Variants in MYO16 observed in about 807,000 individuals in gnomAD.
MYO16 encodes myosin XVI.
MYO16 carries 94 observed loss-of-function variants against 205.3 expected under a neutral mutation model. The ratio of observed to expected loss-of-function variants is 0.46; its 90% confidence interval spans 0.39 to 0.54. The LOEUF (loss-of-function observed/expected upper bound fraction) is 0.54, where lower values mean the gene tolerates loss of function less well. Among genes scored for constraint, MYO16 ranks in the 20% least tolerant of loss-of-function variants. The probability of loss-of-function intolerance (pLI) is 0.00; values close to 1 mark genes in which losing one functional copy is unlikely to be tolerated. For synonymous variants in MYO16, 988 were observed against 954.0 expected (o/e 1.04, Z -0.66); for missense variants, 2,315 against 2,387.5 (o/e 0.97, Z 0.63).
At chr13:108,508,098 C>T in the MYO16 span, among the ~76,000 whole-genome samples, 1 of 151,838 alleles carries the variant, frequency 6.6e-6, no homozygotes, top group South Asian at 2.1e-4. Flanking sequence ...CATTAAGCTG[C>T]TATAAGATAG....
chr13:109,005,115 C>G (rs1483622379), intron 21 of MYO16, among the ~76,000 whole-genome samples: 2 of 152,144 alleles, frequency 1.3e-5, no homozygotes, highest in Admixed American at 1.3e-4. Flanking sequence ...CCAGTAACCA[C>G]AGAGGGAATG....
chr13:108,768,266 C>A (rs1218909750), intron 4 of MYO16, among the ~76,000 whole-genome samples: 1 of 152,246 alleles, frequency 6.6e-6, no homozygotes. Context: ...TTTCCATATT[C>A]CATTTTCTAA....
At chr13:108,766,791 T>A (rs1885790562) in intron 4 of MYO16, among the ~76,000 whole-genome samples, 1 of 152,216 alleles carries the variant, frequency 6.6e-6, no homozygotes, top group South Asian at 2.1e-4. Flanking sequence ...TTTGCTGGCT[T>A]TGGCCTGATT....
intron 28 of MYO16, among the ~76,000 whole-genome samples, chr13:109,110,466 A>G (rs957820101): frequency 2.0e-5 from 3 of 152,226 alleles, no homozygotes; most frequent in African/African-American, 4.8e-5. Context: ...CTATAATTAT[A>G]TGTAATTCAA....
chr13:108,911,506 C>CTCAATGTT (rs1881266262), intron 16 of MYO16, among the ~76,000 whole-genome samples: 1 of 152,016 alleles, frequency 6.6e-6, no homozygotes, highest in Non-Finnish European at 1.5e-5. Context: ...AGGAAACATA[C>CTCAATGTT]TCAATGTTTG....
chr13:108,765,135 T>C (rs983085937), intron 4 of MYO16, among the ~76,000 whole-genome samples: 2 of 152,042 alleles, frequency 1.3e-5, no homozygotes, highest in African/African-American at 4.8e-5. Flanking sequence ...ATACAAAAAG[T>C]AGGTGTCATG....
chr13:108,631,574 C>T (rs1879982683), intron 1 of MYO16, among the ~76,000 whole-genome samples: 1 of 152,152 alleles, frequency 6.6e-6, no homozygotes, highest in Admixed American at 6.5e-5. Flanking sequence ...TTAGCAACTA[C>T]TTACTAAAGA....
At chr13:109,099,328 G>T (rs150588864) in intron 27 of MYO16, among the ~76,000 whole-genome samples, 1 of 152,036 alleles carries the variant, frequency 6.6e-6, no homozygotes, top group African/African-American at 2.4e-5. Context: ...TAAGTCATTC[G>T]CAAAAAACAT....
chr13:108,529,100 A>G, the MYO16 span, among the ~76,000 whole-genome samples: 1 of 152,196 alleles, frequency 6.6e-6, no homozygotes, highest in African/African-American at 2.4e-5. Flanking sequence ...CCAACTTGGA[A>G]TAATCTCCTG....
At chr13:108,793,306 C>T (rs80299895) in intron 5 of MYO16, among the ~76,000 whole-genome samples, 1 of 139,844 alleles carries the variant, frequency 7.2e-6, no homozygotes, top group South Asian at 2.2e-4. Flanking sequence ...AAAAAAAAAA[C>T]ATAACAAGAG....
intron 4 of MYO16, among the ~76,000 whole-genome samples, chr13:108,758,867 T>C (rs568292695): frequency 1.1e-3 from 161 of 152,364 alleles, no homozygotes; most frequent in Non-Finnish European, 9.6e-4. Flanking sequence ...ATAGTGGACA[T>C]TCCTGATGTA....
At chr13:108,835,058 C>G (rs544096296) in intron 9 of MYO16, among the ~76,000 whole-genome samples, 1 of 151,670 alleles carries the variant, frequency 6.6e-6, no homozygotes, top group African/African-American at 2.4e-5. Context: ...AATTAATATA[C>G]TGCCTTTCAA....
chr13:109,125,468 C>A lies in MYO16; in HGVS notation c.3782+110C>A. On this transcript the variant is annotated intron_variant, in intron 30 of 34. Transcript: ENST00000457511. This position sits in a 1 kb window ranked among gnomAD's most constrained non-coding sequence, Gnocchi z 4.0. Reference sequence around the variant, plus strand: ...GTTCAATCAAATATGACAGGAGTTGCAGGAACAGGCATGCGTGGTTTGTTA... The same window carrying A: ...GTTCAATCAAATATGACAGGAGTTGAAGGAACAGGCATGCGTGGTTTGTTA... 2.1e-6 allele frequency: 3 copies of A among 1,401,932 alleles called. No homozygotes were observed. The South Asian group carries it at 4.1e-5, about 19-fold the overall frequency. The allele number at this position is 1,401,932 out of a possible 1,614,324, so 86.8% of individuals were successfully genotyped here. A position where few individuals can be genotyped will look rare whatever the true frequency, so the allele number is the denominator to read the frequency against.
chr13:109,131,255 G>A (rs562369296), intron 31 of MYO16, among the ~76,000 whole-genome samples: 1 of 152,334 alleles, frequency 6.6e-6, no homozygotes, highest in African/African-American at 2.4e-5. Flanking sequence ...TGGTTACAGA[G>A]TGAAAGGAGA....
intron 33 of MYO16, chr13:109,167,178 C>T (rs1016398733): frequency 1.3e-5 from 2 of 152,232 alleles, no homozygotes; most frequent in Non-Finnish European, 2.9e-5. Context: ...GAAAATGACA[C>T]CCCAGCACTC....
At chr13:108,636,223 G>C (rs1025487272) in intron 1 of MYO16, among the ~76,000 whole-genome samples, 1 of 151,964 alleles carries the variant, frequency 6.6e-6, no homozygotes, top group Non-Finnish European at 1.5e-5. Context: ...GATAACTTTT[G>C]AGATATGATA....
chr13:108,753,370 CAAAAAAAAAAAA>C (rs534466420), intron 4 of MYO16, among the ~76,000 whole-genome samples: 1 of 111,794 alleles, frequency 8.9e-6, no homozygotes, highest in Non-Finnish European at 1.7e-5. Flanking sequence ...AACTCTGTGA[CAAAAAAAAAAAA>C]AAAAAAAAAA....
At chr13:109,062,071 G>A (rs1261416091) in intron 27 of MYO16, among the ~76,000 whole-genome samples, 1 of 150,838 alleles carries the variant, frequency 6.6e-6, no homozygotes, top group Admixed American at 6.6e-5. Flanking sequence ...CCAGAAGAGA[G>A]TGGAGGGAGA....
At chr13:109,121,029 C>T (rs1253418640) in intron 29 of MYO16, among the ~76,000 whole-genome samples, 1 of 151,916 alleles carries the variant, frequency 6.6e-6, no homozygotes, top group Non-Finnish European at 1.5e-5. Context: ...AACCTGGGTG[C>T]CAGAGCGAGA....
Sources: gnomAD v4.1 joint callset for allele counts (sites outside exome capture counted in the v4.1 genomes callset) on GRCh38, gnomAD v4.1.1 for gene constraint, Gnocchi (gnomAD v3.1) non-coding constraint, MANE v1.5 for transcripts, NCBI Gene and HGNC (gene_info 2026-07-23, HGNC 2026-07-21) for gene names.